Variants in PCDHGA5 observed in about 807,000 individuals in gnomAD.
PCDHGA5 encodes the protein protocadherin gamma subfamily A, 5, also known as protocadherin gamma-A5.
Under a neutral mutation model 56.7 loss-of-function variants are expected in PCDHGA5, and 36 were observed. The ratio of observed to expected loss-of-function variants is 0.64; its 90% CI spans 0.49 to 0.84. PCDHGA5 has a LOEUF of 0.84. Ranked by LOEUF, PCDHGA5 falls within the 40% of genes least tolerant of loss-of-function variation. The pLI is 0.00. For synonymous variants in PCDHGA5, 563 were observed against 520.2 expected (o/e 1.08, Z -1.12); for missense variants, 1,305 against 1,201.5 (o/e 1.09, Z -1.27).
chr5:141,422,519 C>G, intron 1 of PCDHGA5: 1 of 1,613,968 alleles, frequency 6.2e-7, no homozygotes, highest in Non-Finnish European at 8.5e-7. Flanking sequence ...CAGGGAAGCC[C>G]GCCTTTGTCT....
At chr5:141,399,494 G>T in intron 1 of PCDHGA5, 1 of 1,614,032 alleles carries the variant, frequency 6.2e-7, no homozygotes, top group Non-Finnish European at 8.5e-7. Flanking sequence ...TACTTAGTCA[G>T]TGTACCCGAA....
chr5:141,439,441 T>C (rs2098112892), intron 1 of PCDHGA5, among the ~76,000 whole-genome samples: 2 of 152,348 alleles, frequency 1.3e-5, no homozygotes, highest in South Asian at 4.1e-4. Context: ...GAATATTTTA[T>C]TGCGGGAGCA....
Position 141,431,605 on chromosome 5 carries a change from G to A in PCDHGA5, c.2422-63202G>A. ...ATGCGGAAGTGAGGTATTCCTTCCGGTATGTGGACGACAAGGCGGCCCAAG... is the reference window on the plus strand; with the variant it reads ...ATGCGGAAGTGAGGTATTCCTTCCGATATGTGGACGACAAGGCGGCCCAAG... On this transcript the variant is annotated intron_variant, in intron 1 of 3. Transcript: ENST00000518069. This position sits in a 1 kb window ranked among gnomAD's most constrained non-coding sequence, Gnocchi z 4.8. 2 of 1,614,236 alleles carry A rather than the reference G, an allele frequency of 1.2e-6. No individual in the cohort carries two copies. The highest frequency in any genetic ancestry group is 1.7e-6 in the Non-Finnish European group (2 of 1,180,044).
At chr5:141,370,393 G>T (rs1277471352) in intron 1 of PCDHGA5, 14 of 1,547,032 alleles carry the variant, frequency 9.0e-6, no homozygotes, top group Non-Finnish European at 1.2e-5. Context: ...GCAGAGAGCG[G>T]GATGGGAAAT....
At chr5:141,446,401 T>C (rs1321106896) in intron 1 of PCDHGA5, among the ~76,000 whole-genome samples, 1 of 152,166 alleles carries the variant, frequency 6.6e-6, no homozygotes, top group African/African-American at 2.4e-5. Context: ...AGAAATCGAG[T>C]TGAGTTCCAG....
rs1763734709 is a variant in PCDHGA5, at chr5:141,365,097, C to T, written c.767C>T (p.Pro256Leu). The change falls in exon 1 of 4, where the codon CCT (proline) becomes CTT (leucine). Residue 256 changes from proline to leucine, a missense_variant. Transcript: ENST00000518069. ...AGCGTGAGTGTTCCAGAGAACATACCTGTGGGCACTCGGCTGCTCATGCTA... is the reference window on the plus strand; with the variant it reads ...AGCGTGAGTGTTCCAGAGAACATACTTGTGGGCACTCGGCTGCTCATGCTA... ...EYSVSVPENI[P>L]VGTRLLMLTA... The T allele has an allele frequency of 3.7e-6, 6 of 1,613,888 alleles. No homozygotes were observed. Among genetic ancestry groups the T allele is most frequent in the East Asian group, 2.2e-5 (1 of 44,880 alleles).
Position 141,489,730 on chromosome 5 carries a change from A to G in PCDHGA5, c.2422-5077A>G. The stretch of plus-strand genomic sequence containing the variant: ...CAGTGCCCAGGATCCGGATGTGGGC[A>G]CCAATACTGTGAGCTTTTACACTCT... On this transcript the variant is annotated intron_variant, in intron 1 of 3. Coordinates refer to ENST00000518069, the MANE Select transcript of PCDHGA5 (RefSeq NM_018918.3). This position sits in a 1 kb window ranked among gnomAD's most constrained non-coding sequence, Gnocchi z 4.5. 6.2e-7 allele frequency: 1 copy of G among 1,614,182 alleles called. No homozygotes were observed. Among genetic ancestry groups the G allele is most frequent in the Non-Finnish European group, 8.5e-7 (1 of 1,180,020 alleles).
chr5:141,378,136 C>T (rs1774655700), intron 1 of PCDHGA5: 1 of 152,158 alleles, frequency 6.6e-6, no homozygotes, highest in Admixed American at 6.5e-5. Context: ...TTGACATCAC[C>T]ATTATTATAA....
chr5:141,376,111 C>A, intron 1 of PCDHGA5: 1 of 1,613,822 alleles, frequency 6.2e-7, no homozygotes, highest in Non-Finnish European at 8.5e-7. Flanking sequence ...CCGACCTGGG[C>A]AGCCTCGAGC....
chr5:141,473,017 A>AGAAG (rs1484773075), intron 1 of PCDHGA5, among the ~76,000 whole-genome samples: 3 of 151,764 alleles, frequency 2.0e-5, no homozygotes, highest in African/African-American at 4.8e-5. Flanking sequence ...AGAAAAAGAA[A>AGAAG]GAAGGAAGGA....
chr5:141,367,766 A>G (rs1166226365), intron 1 of PCDHGA5: 1 of 152,176 alleles, frequency 6.6e-6, no homozygotes, highest in East Asian at 1.9e-4. Context: ...TGCACTCAAT[A>G]AATGTAAATA....
intron 1 of PCDHGA5, chr5:141,383,093 G>T (rs1778804581): frequency 1.2e-5 from 20 of 1,613,930 alleles, no homozygotes; most frequent in Non-Finnish European, 1.7e-5. Flanking sequence ...CGCGGAGTCC[G>T]CATCATCTCC....
At chr5:141,478,940 T>C in intron 1 of PCDHGA5, 2 of 584,636 alleles carry the variant, frequency 3.4e-6, no homozygotes, top group South Asian at 2.7e-5. Flanking sequence ...CTTCTAGGAA[T>C]ACAAAAACTA....
rs1338008428 is a variant in PCDHGA5 at position 141,374,930 on chromosome 5, A to G, written c.2421+8179A>G. The G allele has an allele frequency of 3.1e-6, 5 of 1,613,868 alleles. No homozygotes were observed. Among genetic ancestry groups the G allele is most frequent in the African/African-American group, 1.3e-5 (1 of 74,948 alleles). ...CGGGGAAGTAACTTATTCCTTTGTG[A>G]AGATTACAGAAAAGATCTCACAAAT... is the stretch of plus-strand genomic sequence containing the variant. On this transcript the variant is annotated intron_variant, in intron 1 of 3. Transcript: ENST00000518069.
At position 141,365,023 on chromosome 5, in the gene PCDHGA5, G is replaced by A. The variant is rs775697621; in HGVS notation, c.693G>A (p.Thr231=). The change falls in exon 1 of 4, where the codon ACG becomes ACA. Residue 231 remains threonine, a synonymous_variant. Transcript: ENST00000518069. Reference sequence around the variant, plus strand: ...CCGGCACCACGCACATCCGTGTTACGGTCCTCGACGCAAACGACAATGCGC... The same window carrying A: ...CCGGCACCACGCACATCCGTGTTACAGTCCTCGACGCAAACGACAATGCGC... ...VLSGTTHIRV[T]VLDANDNAPL... is the part of the protein sequence containing the mutation. 1.5e-4 allele frequency: 249 copies of A among 1,613,736 alleles called. No homozygotes were observed. The Middle Eastern group carries it at 3.6e-3, about 23-fold the overall frequency.
intron 1 of PCDHGA5, chr5:141,374,029 A>T (rs1460112886): frequency 7.0e-7 from 1 of 1,428,780 alleles, no homozygotes; most frequent in Non-Finnish European, 9.2e-7. Flanking sequence ...AGCAAAAGTG[A>T]TGCAGATCTG....
intron 1 of PCDHGA5, chr5:141,422,614 C>T (rs1207238896): frequency 6.2e-7 from 1 of 1,613,812 alleles, no homozygotes; most frequent in South Asian, 1.1e-5. Flanking sequence ...TGCCTACATT[C>T]CCGAAAACAA....
rs759945612 is a variant in PCDHGA5 at position 141,409,754 on chromosome 5, C to T, written c.2421+43003C>T. ...GCAGAGCGGGGTGGTGTTCGCGCAG[C>T]GCGCCTTTGATCACGAGCAGCTGCG... On this transcript the variant is annotated intron_variant, in intron 1 of 3. Coordinates refer to ENST00000518069, the MANE Select transcript of PCDHGA5 (RefSeq NM_018918.3). 3 of 1,612,880 alleles carry T rather than the reference C, an allele frequency of 1.9e-6. No individual in the cohort carries two copies. In the Admixed American group the frequency reaches 5.0e-5, roughly 27 times the overall value.
At chr5:141,409,357 T>C (rs754237134) in intron 1 of PCDHGA5, 4 of 1,613,968 alleles carry the variant, frequency 2.5e-6, no homozygotes, top group Non-Finnish European at 2.5e-6. Flanking sequence ...TCAGGTGTAA[T>C]ATAGAAACAG....
Sources: allele counts gnomAD v4.1 joint callset (sites outside exome capture counted in the v4.1 genomes callset), GRCh38; gene constraint gnomAD v4.1.1; non-coding constraint Gnocchi (gnomAD v3.1); transcripts MANE v1.5; gene names NCBI Gene and HGNC (gene_info 2026-07-23, HGNC 2026-07-21).